EVA1C: variants seen among roughly 807,000 people sequenced by gnomAD.
EVA1C encodes protein eva-1 homolog C.
In EVA1C, 25 loss-of-function variants were observed where a neutral mutation model predicts 45.4. That is an observed-to-expected ratio of 0.55 (90% CI 0.40 to 0.77). The LOEUF is 0.77. Ranked by LOEUF, EVA1C falls within the 30% of genes least tolerant of loss-of-function variation. The probability of loss-of-function intolerance (pLI) is 0.00; values close to 1 mark genes in which losing one functional copy is unlikely to be tolerated. For missense variants in EVA1C, 479 were observed against 554.8 expected, an observed-to-expected ratio of 0.86 and a Z score of 1.37; for synonymous variants, 190 against 221.2, an observed-to-expected ratio of 0.86 and a Z score of 1.25.
intron 1 of EVA1C, among the ~76,000 whole-genome samples, chr21:32,443,352 G>A (rs959443221): frequency 1.3e-5 from 2 of 152,102 alleles, no homozygotes; most frequent in African/African-American, 4.8e-5. Flanking sequence ...TGACCAACAT[G>A]GTGAAACCCT....
intron 5 of EVA1C, chr21:32,496,867 G>T: frequency 1.0e-6 from 1 of 987,726 alleles, no homozygotes; most frequent in Non-Finnish European, 1.6e-6. Flanking sequence ...TAAATCTGGA[G>T]ATATATTCAG....
intron 7 of EVA1C, among the ~76,000 whole-genome samples, chr21:32,514,337 TCTA>T (rs1269000941): frequency 1.3e-5 from 2 of 152,230 alleles, no homozygotes; most frequent in South Asian, 2.1e-4. Context: ...ATGAGCTACT[TCTA>T]CTACTAATAA....
Position 32,453,558 on chromosome 21 carries a change from CTT to C in EVA1C, c.357+52_357+53del, listed in dbSNP as rs571441484. On this transcript the variant is annotated intron_variant, in intron 2 of 7. Coordinates refer to ENST00000300255, the MANE Select transcript of EVA1C (RefSeq NM_058187.5). ...AGATGATACAGTTTCAACACACACT[CTT>C]TCTCTCTCTCTGGGTATAAATATAT... 2.4e-4 allele frequency: 309 copies of C among 1,280,422 alleles called. No individual in the cohort carries two copies. In the African/African-American group the frequency reaches 4.0e-3, roughly 16 times the overall value. The allele number at this position is 1,280,422 out of a possible 1,614,324, so 79.3% of individuals were successfully genotyped here.
intron 7 of EVA1C, among the ~76,000 whole-genome samples, chr21:32,514,106 A>G (rs1188134086): frequency 6.6e-6 from 1 of 152,148 alleles, no homozygotes; most frequent in African/African-American, 2.4e-5. Context: ...TTTTATGCAA[A>G]TTCTGTGCCA....
chr21:32,504,192 T>C (rs7275591), intron 7 of EVA1C, among the ~76,000 whole-genome samples, 177 bp downstream of exon 7: 42,902 of 152,120 alleles, frequency 0.28, 8,152 homozygotes, highest in African/African-American at 0.54. Context: ...GGCACAGTTG[T>C]AACCAGGCAG....
At chr21:32,500,696 G>A (rs1264854289) in intron 5 of EVA1C, among the ~76,000 whole-genome samples, 1 of 143,956 alleles carries the variant, frequency 6.9e-6, no homozygotes, top group Non-Finnish European at 1.5e-5. Context: ...TGAATATTTT[G>A]TACAAATGGA....
At chr21:32,470,218 T>C (rs553094519) in intron 4 of EVA1C, among the ~76,000 whole-genome samples, 2 of 151,140 alleles carry the variant, frequency 1.3e-5, no homozygotes, top group South Asian at 4.2e-4. Context: ...AAAAAGAAAA[T>C]GAACAAAAAG....
Position 32,502,040 on chromosome 21 carries a change from C to CTTTCT in EVA1C, c.859+548_859+552dup, listed in dbSNP as rs1555875245. Among the ~76,000 whole-genome samples the CTTTCT allele has an allele frequency of 4.3e-3, 439 of 101,638 alleles. 5 individuals are homozygous for CTTTCT. Among genetic ancestry groups the CTTTCT allele is most frequent in the African/African-American group, 0.016 (424 of 25,888 alleles). The allele number at this position is 101,638 out of a possible 152,430, so 66.7% of individuals were successfully genotyped here. The stretch of plus-strand genomic sequence containing the variant: ...TCTTTCTTTCTTTCTTTCTTTCTTT[C>CTTTCT]TTTCTTTCTTTCTTCTTTCTTTCTT... On this transcript the variant is annotated intron_variant, in intron 6 of 7. Transcript: ENST00000300255.
intron 1 of EVA1C, among the ~76,000 whole-genome samples, chr21:32,416,905 T>A (rs543774896): frequency 7.9e-5 from 12 of 152,322 alleles, no homozygotes; most frequent in African/African-American, 2.6e-4. Flanking sequence ...TTTAAGGCCT[T>A]CCTTGTACCC....
chr21:32,497,083 CTTT>C, intron 5 of EVA1C: 1 of 992,028 alleles, frequency 1.0e-6, no homozygotes, highest in Non-Finnish European at 1.6e-6. Flanking sequence ...GGATGGTCTG[CTTT>C]TTAAAGTGAC....
intron 4 of EVA1C, among the ~76,000 whole-genome samples, chr21:32,471,722 A>G (rs1026668536): frequency 4.7e-5 from 7 of 148,848 alleles, no homozygotes; most frequent in Admixed American, 2.0e-4. Context: ...TCTGCCTCCC[A>G]GTTTCATGCC....
intron 4 of EVA1C, among the ~76,000 whole-genome samples, chr21:32,492,292 A>G (rs1033533424): frequency 6.6e-6 from 1 of 152,042 alleles, no homozygotes; most frequent in Non-Finnish European, 1.5e-5. Flanking sequence ...TGGGATGGTG[A>G]TAAGTCCATG....
chr21:32,503,987 C>T lies in EVA1C; in HGVS notation c.921C>T (p.Asn307=), dbSNP rs2037642837. The T allele has an allele frequency of 6.2e-7, 1 of 1,611,396 alleles. No individual in the cohort carries two copies. The highest frequency in any genetic ancestry group is 8.5e-7 in the Non-Finnish European group (1 of 1,179,484). The part of the protein sequence containing the change: ...VLRKDGILVS[N]SLAAFAYIRA... Reference sequence around the variant, plus strand: ...GGAAAGATGGAATTCTTGTTAGCAACTCTCTGGCAGCCTTTGCTTACATTA... The same window carrying T: ...GGAAAGATGGAATTCTTGTTAGCAATTCTCTGGCAGCCTTTGCTTACATTA... The change falls in exon 7 of 8, where the codon AAC becomes AAT. Residue 307 remains asparagine (N), a synonymous_variant. Coordinates refer to ENST00000300255, the MANE Select transcript of EVA1C (RefSeq NM_058187.5).
chr21:32,414,329 T>C (rs891576086), intron 1 of EVA1C, among the ~76,000 whole-genome samples: 1 of 152,216 alleles, frequency 6.6e-6, no homozygotes, highest in African/African-American at 2.4e-5. Context: ...ACTAGAACTT[T>C]CTTGGCTGCT....
At chr21:32,489,941 A>G (rs2037099569) in intron 4 of EVA1C, among the ~76,000 whole-genome samples, 1 of 152,068 alleles carries the variant, frequency 6.6e-6, no homozygotes, top group Admixed American at 6.6e-5. Context: ...AACTGGGATT[A>G]CAGGCGTGTG....
rs1254527836 is a variant in EVA1C, at chr21:32,419,727, C to T, written c.160+6714C>T. Among the ~76,000 whole-genome samples, 4 of 145,574 alleles carry T rather than the reference C, an allele frequency of 2.7e-5. No homozygotes were observed. The Admixed American group carries it at 2.8e-4, about 10-fold the overall frequency. On this transcript the variant is annotated intron_variant, in intron 1 of 7. Coordinates refer to ENST00000300255, the MANE Select transcript of EVA1C (RefSeq NM_058187.5). ...GAGTTCCTGTAAAAACAAAAACAAACAAAAAACAAAAACAAACAAACAAAC... is the reference window on the plus strand; with the variant it reads ...GAGTTCCTGTAAAAACAAAAACAAATAAAAAACAAAAACAAACAAACAAAC...
intron 1 of EVA1C, among the ~76,000 whole-genome samples, chr21:32,415,142 T>C (rs1415282104): frequency 1.3e-5 from 2 of 152,176 alleles, no homozygotes; most frequent in East Asian, 3.8e-4. Context: ...TTGCCGCCTG[T>C]GTTCCTGGGA....
Position 32,452,826 on chromosome 21 carries a change from A to C in EVA1C, c.161-486A>C, listed in dbSNP as rs2146247090. 6.5e-6 allele frequency: 1 copy of C among 152,718 alleles called. No individual in the cohort carries two copies. Among genetic ancestry groups the C allele is most frequent in the East Asian group, 1.9e-4 (1 of 5,190 alleles). 9.5% of individuals were successfully genotyped at this position (152,718 alleles called of 1,614,324 possible). A position where few individuals can be genotyped will look rare whatever the true frequency, so the allele number is the denominator to read the frequency against. The stretch of plus-strand genomic sequence containing the variant: ...ATTTCCACATCGCCCCGCTGTCGAA[A>C]GCCCGCCAGCATCTGCTGGTGTCTG... On this transcript the variant is annotated intron_variant, in intron 1 of 7. Transcript: ENST00000300255. This position sits in a 1 kb window ranked among gnomAD's most constrained non-coding sequence, Gnocchi z 4.0.
chr21:32,514,499 T>A (rs1230980621), intron 7 of EVA1C, among the ~76,000 whole-genome samples: 1 of 152,216 alleles, frequency 6.6e-6, no homozygotes, highest in Non-Finnish European at 1.5e-5. Context: ...AGAAAGGTTA[T>A]GAAACTTGCC....
Sources: allele counts gnomAD v4.1 joint callset (sites outside exome capture counted in the v4.1 genomes callset), GRCh38; gene constraint gnomAD v4.1.1; non-coding constraint Gnocchi (gnomAD v3.1); transcripts MANE v1.5; gene names NCBI Gene and HGNC (gene_info 2026-07-23, HGNC 2026-07-21).